Variants in ZNF267 observed in about 807,000 individuals in gnomAD.
ZNF267 encodes zinc finger (C2H2).
A neutral mutation model predicts 71.6 loss-of-function variants in ZNF267; 61 were observed. That is an observed-to-expected ratio of 0.85 (90% CI 0.69 to 1.05). The LOEUF (loss-of-function observed/expected upper bound fraction) is 1.05. ZNF267 is among the 50% of genes least tolerant of loss of function. The probability of loss-of-function intolerance (pLI) is 0.00; values close to 1 mark genes in which losing one functional copy is unlikely to be tolerated. For synonymous variants in ZNF267, 288 were observed against 293.2 expected, an observed-to-expected ratio of 0.98 and a Z score of 0.18; for missense variants, 852 against 870.0, an observed-to-expected ratio of 0.98 and a Z score of 0.26.
rs2142366031 is a variant in ZNF267, at chr16:31,916,298, T to C, written c.2049T>C (p.Thr683=). ...TCACTACACATCGGAGAAGACATAC[T>C]GGAGAGAGACCCTACAAATGTGATG... The part of the protein sequence containing the change: ...SYLTTHRRRH[T]GERPYKCDEC... The change falls in exon 4 of 4, where the codon ACT becomes ACC. Residue 683 remains threonine (T), a synonymous_variant. Transcript: ENST00000300870. The C allele has an allele frequency of 6.2e-7, 1 of 1,614,092 alleles. No individual in the cohort carries two copies. Among genetic ancestry groups the C allele is most frequent in the Non-Finnish European group, 8.5e-7 (1 of 1,179,996 alleles).
At chr16:31,914,081 G>C (rs915035965) in intron 3 of ZNF267, 1 of 173,778 alleles carries the variant, frequency 5.8e-6, no homozygotes, top group African/African-American at 2.4e-5. Context: ...GGGTACCACT[G>C]TAGGTTATTC....
intron 3 of ZNF267, among the ~76,000 whole-genome samples, chr16:31,900,882 G>A (rs1596623993): frequency 1.3e-5 from 2 of 150,216 alleles, no homozygotes; most frequent in Admixed American, 6.7e-5. Context: ...CATGTGCCAT[G>A]TTGGTGTGCT....
chr16:31,901,724 T>G (rs1294092514), intron 3 of ZNF267, among the ~76,000 whole-genome samples: 1 of 152,132 alleles, frequency 6.6e-6, no homozygotes, highest in African/African-American at 2.4e-5. Context: ...GTTGCAAAAA[T>G]TTTCTCCCAT....
intron 2 of ZNF267, among the ~76,000 whole-genome samples, chr16:31,884,897 T>G (rs2083913513): frequency 6.6e-6 from 1 of 152,208 alleles, no homozygotes; most frequent in African/African-American, 2.4e-5. Flanking sequence ...ATCCAATTTT[T>G]TTTGTTTGTT....
rs1265135882 is a variant in ZNF267, at chr16:31,915,694, A to G, written c.1445A>G (p.His482Arg). Residue 482 changes from histidine (H) to arginine (R), a missense_variant, in exon 4 of 4, where the codon CAT becomes CGT. Transcript: ENST00000300870. ...GCTCGTTCTTCAAATCTTATTATGC[A>G]TCAGAGAGTTCATACTGGAGAGAAG... The part of the protein sequence containing the change: ...SYARSSNLIM[H>R]QRVHTGEKPY... 6.2e-7 allele frequency: 1 copy of G among 1,613,832 alleles called. No homozygotes were observed. Among genetic ancestry groups the G allele is most frequent in the East Asian group, 2.2e-5 (1 of 44,870 alleles).
chr16:31,877,237 T>C (rs1399975077), intron 1 of ZNF267, among the ~76,000 whole-genome samples: 3 of 152,090 alleles, frequency 2.0e-5, no homozygotes, highest in Middle Eastern at 3.2e-3. Context: ...CAGTAAAATA[T>C]TAAGTTTCCA....
At chr16:31,896,788 T>C (rs895062820) in intron 3 of ZNF267, among the ~76,000 whole-genome samples, 2 of 147,636 alleles carry the variant, frequency 1.4e-5, no homozygotes, top group Non-Finnish European at 2.9e-5. Flanking sequence ...AAATTTAGAA[T>C]TTTTTTTTCT....
At chr16:31,885,679 A>G (rs1015768988) in intron 3 of ZNF267, among the ~76,000 whole-genome samples, 1 of 152,220 alleles carries the variant, frequency 6.6e-6, no homozygotes, top group Non-Finnish European at 1.5e-5. Context: ...AGTCTCAGGA[A>G]TTCTGTGGAT....
intron 3 of ZNF267, among the ~76,000 whole-genome samples, chr16:31,899,295 C>T (rs549144864): frequency 6.6e-6 from 1 of 152,282 alleles, no homozygotes; most frequent in Admixed American, 6.5e-5. Flanking sequence ...AAACACTCTT[C>T]AGCAAATGTA....
intron 3 of ZNF267, among the ~76,000 whole-genome samples, chr16:31,888,588 G>C (rs1407471033): frequency 6.6e-6 from 1 of 151,962 alleles, no homozygotes; most frequent in African/African-American, 2.4e-5. Flanking sequence ...AGGATTATAT[G>C]ATTTTCATCT....
chr16:31,914,571 C>T lies in ZNF267; in HGVS notation c.322C>T (p.Leu108Phe). The T allele has an allele frequency of 2.5e-6, 4 of 1,614,048 alleles. No individual in the cohort carries two copies. Among genetic ancestry groups the T allele is most frequent in the Non-Finnish European group, 3.4e-6 (4 of 1,180,014 alleles). Residue 108 changes from leucine (L) to phenylalanine (F), a missense_variant, in exon 4 of 4, where the codon CTT becomes TTT. Coordinates refer to ENST00000300870, the MANE Select transcript of ZNF267 (RefSeq NM_003414.6). ...ATCGAGGAGACATGGGAGCTGTGAT[C>T]TTGAGAATTTACATTTAAGAAAAAG... ...VISRRHGSCDLENLHLRKRWK... is the reference protein window; with the variant it reads ...VISRRHGSCDFENLHLRKRWK...
At chr16:31,912,140 G>A (rs2142362113) in intron 3 of ZNF267, 1 of 151,658 alleles carries the variant, frequency 6.6e-6, no homozygotes, top group South Asian at 2.1e-4. Context: ...TTACCAATGA[G>A]TTCTGTACCT....
chr16:31,892,681 G>A (rs1363716802), intron 3 of ZNF267, among the ~76,000 whole-genome samples: 1 of 152,188 alleles, frequency 6.6e-6, no homozygotes, highest in African/African-American at 2.4e-5. Flanking sequence ...GGGGCTATAA[G>A]CCCCATGCAA....
rs747746238 is a variant in ZNF267 at position 31,914,895 on chromosome 16, T to C, written c.646T>C (p.Tyr216His). 28 of 1,612,142 alleles carry C rather than the reference T, an allele frequency of 1.7e-5. No homozygotes were observed. In the Admixed American group the frequency reaches 3.0e-4, roughly 17 times the overall value. The change falls in exon 4 of 4, where the codon TAT becomes CAT. Residue 216 changes from tyrosine to histidine, a missense_variant. Coordinates refer to ENST00000300870, the MANE Select transcript of ZNF267 (RefSeq NM_003414.6). Reference sequence around the variant, plus strand: ...AAATGTTTTTATTGGAGAGAAAAATTATCATTGCAATAATTCTGAAAAAAC... The same window carrying C: ...AAATGTTTTTATTGGAGAGAAAAATCATCATTGCAATAATTCTGAAAAAAC... The part of the protein sequence containing the change: ...YRNVFIGEKN[Y>H]HCNNSEKTLN...
intron 3 of ZNF267, among the ~76,000 whole-genome samples, chr16:31,902,080 G>T (rs893706479): frequency 3.9e-5 from 6 of 152,138 alleles, no homozygotes; most frequent in African/African-American, 1.4e-4. Flanking sequence ...TTTTTGTCAG[G>T]TTTGTCAAAG....
chr16:31,874,672 G>A (rs1236522940), intron 1 of ZNF267, among the ~76,000 whole-genome samples: 1 of 152,166 alleles, frequency 6.6e-6, no homozygotes, highest in Non-Finnish European at 1.5e-5. Context: ...GAAACCTGGG[G>A]CACTATAACC....
intron 3 of ZNF267, chr16:31,912,910 C>G (rs2084145871): frequency 6.8e-6 from 1 of 148,130 alleles, no homozygotes; most frequent in African/African-American, 2.7e-5. Context: ...TGAATTCCTT[C>G]TCTATTTTAT....
chr16:31,908,728 A>G (rs1439882580), intron 3 of ZNF267, among the ~76,000 whole-genome samples: 1 of 152,086 alleles, frequency 6.6e-6, no homozygotes, highest in African/African-American at 2.4e-5. Flanking sequence ...AGTCCACTCA[A>G]GGTGTCTGGA....
chr16:31,896,031 A>G (rs981782351), intron 3 of ZNF267, among the ~76,000 whole-genome samples: 1 of 152,130 alleles, frequency 6.6e-6, no homozygotes, highest in Admixed American at 6.5e-5. Context: ...TATTTTTAAG[A>G]AACAGGGTCT....
Sources: allele counts gnomAD v4.1 joint callset (sites outside exome capture counted in the v4.1 genomes callset), GRCh38; gene constraint gnomAD v4.1.1; transcripts MANE v1.5; gene names NCBI Gene and HGNC (gene_info 2026-07-23, HGNC 2026-07-21).